The following CEP112 variants were observed in gnomAD, a reference collection of about 807,000 sequenced individuals.
CEP112 encodes the protein centrosomal protein of 112 kDa.
In CEP112, 127 loss-of-function variants were observed where a neutral mutation model predicts 153.0. That is an observed-to-expected ratio of 0.83 (90% CI 0.72 to 0.96). The LOEUF (loss-of-function observed/expected upper bound fraction) is 0.96. Ranked by LOEUF, CEP112 falls within the 40% of genes least tolerant of loss-of-function variation. The pLI, the probability that CEP112 is intolerant of heterozygous loss-of-function variation, is 0.00. For missense variants in CEP112, 1,089 were observed against 1,101.2 expected, an observed-to-expected ratio of 0.99 and a Z score of 0.16; for synonymous variants, 358 against 374.4, an observed-to-expected ratio of 0.96 and a Z score of 0.51.
chr17:65,924,344 CAT>C (rs2060843562), intron 19 of CEP112, among the ~76,000 whole-genome samples: 1 of 152,124 alleles, frequency 6.6e-6, no homozygotes, highest in Admixed American at 6.6e-5. Context: ...CCTCCCGAAA[CAT>C]ATGTGAACAT....
chr17:65,701,088 A>G (rs1029227516), intron 23 of CEP112, among the ~76,000 whole-genome samples: 2 of 152,210 alleles, frequency 1.3e-5, no homozygotes, highest in African/African-American at 4.8e-5. Flanking sequence ...TCACTCTGCC[A>G]TGGCTGGGAG....
chr17:65,766,915 G>T (rs750767246), intron 21 of CEP112, among the ~76,000 whole-genome samples: 9 of 139,404 alleles, frequency 6.5e-5, no homozygotes, highest in Non-Finnish European at 1.4e-4. Flanking sequence ...AATATTAATG[G>T]ACATGAAGGG....
chr17:65,847,069 G>T (rs182202785), intron 21 of CEP112, among the ~76,000 whole-genome samples: 10 of 152,124 alleles, frequency 6.6e-5, no homozygotes, highest in Non-Finnish European at 1.5e-4. Flanking sequence ...TCTGAGGTTG[G>T]TGAATTCCAC....
chr17:65,964,889 T>C (rs1428060348), intron 17 of CEP112, among the ~76,000 whole-genome samples: 1 of 152,166 alleles, frequency 6.6e-6, no homozygotes, highest in Non-Finnish European at 1.5e-5. Flanking sequence ...TGTATATAAA[T>C]ACAAAAGAAA....
At chr17:66,180,406 T>C (rs1377289378) in intron 2 of CEP112, among the ~76,000 whole-genome samples, 2 of 152,172 alleles carry the variant, frequency 1.3e-5, no homozygotes, top group Non-Finnish European at 2.9e-5. Context: ...ATTTTAGATA[T>C]ATTGAAAAAT....
intron 26 of CEP112, chr17:65,636,907 C>T (rs1459353911): frequency 1.9e-5 from 10 of 520,952 alleles, no homozygotes; most frequent in Admixed American, 6.8e-5. Flanking sequence ...CCACTGTGCC[C>T]GGCAGATTCT....
chr17:66,083,296 T>C (rs945459591), intron 8 of CEP112, among the ~76,000 whole-genome samples: 2 of 152,300 alleles, frequency 1.3e-5, no homozygotes, highest in South Asian at 4.1e-4. Flanking sequence ...AGATGTGCTT[T>C]TGCTCCTCTT....
chr17:66,042,276 G>A (rs1323949726), intron 12 of CEP112, among the ~76,000 whole-genome samples: 1 of 152,174 alleles, frequency 6.6e-6, no homozygotes, highest in Non-Finnish European at 1.5e-5. Context: ...CCTGAACCCA[G>A]GAGGCGGAGG....
intron 20 of CEP112, among the ~76,000 whole-genome samples, chr17:65,888,644 T>G (rs2059365856): frequency 6.6e-6 from 1 of 152,160 alleles, no homozygotes. Flanking sequence ...GCAAATGCAT[T>G]AAATTAAAAT....
At chr17:65,977,525 A>T (rs1436755789) in intron 17 of CEP112, among the ~76,000 whole-genome samples, 1 of 152,152 alleles carries the variant, frequency 6.6e-6, no homozygotes, top group Non-Finnish European at 1.5e-5. Context: ...CTGCCTTTGG[A>T]TCAGGTGTCC....
chr17:65,906,685 T>C (rs2060096305), intron 19 of CEP112, among the ~76,000 whole-genome samples: 1 of 152,186 alleles, frequency 6.6e-6, no homozygotes, highest in East Asian at 1.9e-4. Context: ...TCCTAATACA[T>C]ACTATACCGA....
chr17:65,902,184 G>T lies in CEP112; in HGVS notation c.2131C>A (p.Gln711Lys). 1 of 1,613,568 alleles carries T rather than the reference G, an allele frequency of 6.2e-7. No individual in the cohort carries two copies. Among genetic ancestry groups the T allele is most frequent in the African/African-American group, 1.3e-5 (1 of 74,960 alleles). Residue 711 changes from glutamine to lysine, a missense_variant, in exon 20 of 27, where the codon CAA becomes AAA. Gln to Lys is a moderately conservative substitution (Grantham distance 53). Transcript: ENST00000535342. ...TCTCGTTTCTTGAACTCCTGAATTT[G>T]ATTTTCGTGCTCCATATTGGCAGCG... ...LRAANMEHEN[Q>K]IQEFKKRDAQ...
intron 17 of CEP112, among the ~76,000 whole-genome samples, chr17:65,970,352 T>C (rs1287193395): frequency 3.6e-5 from 3 of 83,448 alleles, no homozygotes; most frequent in Non-Finnish European, 8.1e-5. Flanking sequence ...GCATGTGCAC[T>C]ATGTGCCTAT....
chr17:65,761,068 T>C (rs2052586831), intron 21 of CEP112, among the ~76,000 whole-genome samples: 1 of 152,088 alleles, frequency 6.6e-6, no homozygotes, highest in African/African-American at 2.4e-5. Context: ...CTTACAATAC[T>C]CGTGGGCTCT....
chr17:65,984,549 A>G (rs9303495), intron 17 of CEP112, among the ~76,000 whole-genome samples: 79,031 of 151,914 alleles, frequency 0.52, 21,567 homozygotes, highest in African/African-American at 0.6. Context: ...CAGACAAGAA[A>G]AAAAGCACAA....
At position 66,006,204 on chromosome 17, in the gene CEP112, T is replaced by C. The variant is rs192112125; in HGVS notation, c.1657-435A>G. Among the ~76,000 whole-genome samples the C allele has an allele frequency of 6.5e-3, 997 of 152,240 alleles. 9 individuals carry two copies. The highest frequency in any genetic ancestry group is 7.8e-3 in the Non-Finnish European group (528 of 68,022). On this transcript the variant is annotated intron_variant, in intron 16 of 26. Coordinates refer to ENST00000535342, the MANE Select transcript of CEP112 (RefSeq NM_001199165.4). Reference sequence around the variant, plus strand: ...AATTTGTATAACTATTTACTGAGTTTGGAAGGAAACTGCCACCCCTCCCCA... The same window carrying C: ...AATTTGTATAACTATTTACTGAGTTCGGAAGGAAACTGCCACCCCTCCCCA...
chr17:65,902,303 T>C lies in CEP112; in HGVS notation c.2012A>G (p.Glu671Gly). The C allele has an allele frequency of 6.2e-7, 1 of 1,613,554 alleles. No homozygotes were observed. Among genetic ancestry groups the C allele is most frequent in the Non-Finnish European group, 8.5e-7 (1 of 1,179,872 alleles). The change falls in exon 20 of 27, where the codon GAG becomes GGG. Residue 671 changes from glutamate to glycine, a missense_variant. By Grantham distance (98) the Glu-to-Gly change is moderately conservative. Transcript: ENST00000535342. ...ATGCTGCTGTAATAGGTGCGTCTTC[T>C]CCTGTTCATGCTCCAGCTTCAGCTC... is the stretch of plus-strand genomic sequence containing the variant. ...IVELKLEHEQ[E>G]KTHLLQQHNA... is the part of the protein sequence containing the mutation.
intron 24 of CEP112, among the ~76,000 whole-genome samples, chr17:65,653,926 G>A (rs948640020): frequency 1.3e-5 from 2 of 151,782 alleles, no homozygotes; most frequent in African/African-American, 2.4e-5. Context: ...GGGCGTGGTG[G>A]TGCGCACCTG....
chr17:65,778,936 C>T (rs2053843976), intron 21 of CEP112, among the ~76,000 whole-genome samples: 1 of 151,844 alleles, frequency 6.6e-6, no homozygotes, highest in Non-Finnish European at 1.5e-5. Context: ...GGAGGTGGAG[C>T]CTATAGTGAG....
Sources: allele counts gnomAD v4.1 joint callset (sites outside exome capture counted in the v4.1 genomes callset), GRCh38; gene constraint gnomAD v4.1.1; transcripts MANE v1.5; gene names NCBI Gene and HGNC (gene_info 2026-07-23, HGNC 2026-07-21).